The following CSMD1 variants were observed in gnomAD, a reference collection of about 807,000 sequenced individuals.
CSMD1 encodes CUB and Sushi multiple domains 1, also known as CUB and sushi domain-containing protein 1.
CSMD1 carries 213 observed loss-of-function variants against 417.5 expected under a neutral mutation model. That is an observed-to-expected ratio of 0.51 (90% CI 0.46 to 0.57). The LOEUF (loss-of-function observed/expected upper bound fraction) is 0.57, where lower values mean the gene tolerates loss of function less well. CSMD1 is among the 20% of genes least tolerant of loss of function. The pLI, the probability that CSMD1 is intolerant of heterozygous loss-of-function variation, is 0.00. For synonymous variants in CSMD1, 2,862 were observed against 1,736.8 expected (o/e 1.65, Z -16.11); for missense variants, 6,923 against 4,529.7 (o/e 1.53, Z -15.17).
chr8:3,303,624 A>G (rs1439946652), intron 25 of CSMD1, among the ~76,000 whole-genome samples: 1 of 152,228 alleles, frequency 6.6e-6, no homozygotes, highest in Admixed American at 6.5e-5. Flanking sequence ...CACTGGCAGA[A>G]AAGCAATTAA....
intron 3 of CSMD1, among the ~76,000 whole-genome samples, chr8:4,351,153 T>TAA (rs578051309): frequency 1.7e-3 from 242 of 141,680 alleles, no homozygotes; most frequent in Middle Eastern, 3.5e-3. Context: ...GTCCCATCTC[T>TAA]AAAAAAAAAA....
chr8:4,129,643 G>C (rs954983768), intron 3 of CSMD1, among the ~76,000 whole-genome samples: 3 of 152,000 alleles, frequency 2.0e-5, no homozygotes, highest in African/African-American at 7.2e-5. Flanking sequence ...AATTTGGTAG[G>C]ATATTCTCTT....
At chr8:4,052,086 T>A (rs1373813772) in intron 3 of CSMD1, among the ~76,000 whole-genome samples, 1 of 151,980 alleles carries the variant, frequency 6.6e-6, no homozygotes, top group Non-Finnish European at 1.5e-5. Flanking sequence ...AATACCCAGC[T>A]AATTTCTGTA....
intron 5 of CSMD1, among the ~76,000 whole-genome samples, chr8:3,994,409 G>C (rs1427649793): frequency 7.8e-6 from 1 of 127,914 alleles, no homozygotes; most frequent in South Asian, 2.5e-4. Flanking sequence ...GATATTATTA[G>C]AAGTACAAGT....
At chr8:4,387,625 T>G (rs1186100380) in intron 3 of CSMD1, among the ~76,000 whole-genome samples, 1 of 146,548 alleles carries the variant, frequency 6.8e-6, no homozygotes, top group Non-Finnish European at 1.5e-5. Flanking sequence ...TTTAAGAATT[T>G]AATATGAAAC....
At chr8:3,138,513 C>G (rs1026576236) in intron 41 of CSMD1, among the ~76,000 whole-genome samples, 1 of 152,176 alleles carries the variant, frequency 6.6e-6, no homozygotes, top group Non-Finnish European at 1.5e-5. Context: ...TGGGAATGCT[C>G]GTGACCAGCA....
intron 5 of CSMD1, among the ~76,000 whole-genome samples, chr8:3,858,788 C>A (rs1804489289): frequency 6.6e-6 from 1 of 152,044 alleles, no homozygotes; most frequent in South Asian, 2.1e-4. Flanking sequence ...TTTAAAAGCA[C>A]TGAATCATTT....
intron 5 of CSMD1, among the ~76,000 whole-genome samples, chr8:3,946,444 C>G (rs538535835): frequency 6.6e-6 from 1 of 152,114 alleles, no homozygotes; most frequent in African/African-American, 2.4e-5. Context: ...TCAATATTGA[C>G]ATCTTCAAAT....
In CSMD1 at chr8:3,040,783, G is replaced by A. The variant is rs143574621; in HGVS notation, c.7661-11270C>T. Among the ~76,000 whole-genome samples the A allele has an allele frequency of 5.8e-3, 879 of 152,002 alleles. 10 individuals carry two copies. The highest frequency in any genetic ancestry group is 0.02 in the African/African-American group (829 of 41,358). The stretch of plus-strand genomic sequence containing the variant: ...GTGCCACTGCACTCCAGCCTGGGTG[G>A]CAGAGTGAGACTCCAGCTCAAAATA... On this transcript the variant is annotated intron_variant, in intron 50 of 69. Transcript: ENST00000635120.
At chr8:4,523,468 A>G (rs945063232) in intron 2 of CSMD1, among the ~76,000 whole-genome samples, 1 of 152,164 alleles carries the variant, frequency 6.6e-6, no homozygotes, top group Non-Finnish European at 1.5e-5. Context: ...AAATATTGAA[A>G]CACATATGTT....
intron 5 of CSMD1, among the ~76,000 whole-genome samples, chr8:3,833,560 T>A (rs894253006): frequency 2.0e-5 from 3 of 152,262 alleles, no homozygotes; most frequent in South Asian, 2.1e-4. Context: ...TCCTAAGTGG[T>A]AATCAACTTT....
At chr8:4,778,039 G>A (rs1796958763) in intron 1 of CSMD1, among the ~76,000 whole-genome samples, 1 of 152,150 alleles carries the variant, frequency 6.6e-6, no homozygotes, top group Admixed American at 6.5e-5. Flanking sequence ...GTAGTGGAGA[G>A]TTAAAATTCA....
chr8:3,721,273 C>G (rs139125070), intron 6 of CSMD1, among the ~76,000 whole-genome samples: 4 of 152,214 alleles, frequency 2.6e-5, no homozygotes, highest in African/African-American at 9.6e-5. Context: ...CAGCAATGCC[C>G]CTCAAGGATC....
chr8:4,335,537 C>G (rs532062055), intron 3 of CSMD1, among the ~76,000 whole-genome samples: 158 of 152,166 alleles, frequency 1.0e-3, no homozygotes, highest in African/African-American at 3.6e-3. Flanking sequence ...ACATCAGCAC[C>G]AACATCTAAA....
chr8:2,963,001 T>A (rs112182777), intron 60 of CSMD1, among the ~76,000 whole-genome samples: 7 of 152,110 alleles, frequency 4.6e-5, no homozygotes, highest in Admixed American at 1.3e-4. Flanking sequence ...GGAGCTATGA[T>A]TGAACCACTG....
chr8:3,733,360 A>G (rs990826594), intron 6 of CSMD1, among the ~76,000 whole-genome samples: 3 of 147,820 alleles, frequency 2.0e-5, no homozygotes, highest in African/African-American at 7.4e-5. Flanking sequence ...TATATATATA[A>G]TATATATATA....
intron 3 of CSMD1, among the ~76,000 whole-genome samples, chr8:4,413,054 A>T (rs1259802759): frequency 1.3e-5 from 2 of 152,224 alleles, no homozygotes; most frequent in Non-Finnish European, 2.9e-5. Context: ...TAGACTTACA[A>T]AATTACGCAT....
intron 3 of CSMD1, among the ~76,000 whole-genome samples, chr8:4,074,959 T>A (rs1799745571): frequency 6.6e-6 from 1 of 152,186 alleles, no homozygotes; most frequent in African/African-American, 2.4e-5. Context: ...GTGTGACAGT[T>A]TGAGTCTGCC....
At chr8:4,897,852 G>A (rs572505225) in intron 1 of CSMD1, among the ~76,000 whole-genome samples, 1 of 152,102 alleles carries the variant, frequency 6.6e-6, no homozygotes, top group Non-Finnish European at 1.5e-5. Context: ...GAAGAGAAAG[G>A]CAATCTAGAT....
Sources: gnomAD v4.1 joint callset for allele counts (sites outside exome capture counted in the v4.1 genomes callset) on GRCh38, gnomAD v4.1.1 for gene constraint, MANE v1.5 for transcripts, NCBI Gene and HGNC (gene_info 2026-07-23, HGNC 2026-07-21) for gene names.